Variants in DST observed in about 807,000 individuals in gnomAD.
The protein encoded by DST is bullous pemphigoid antigen.
DST carries 253 observed loss-of-function variants against 875.2 expected under a neutral mutation model. That is an observed-to-expected ratio of 0.29 (90% CI 0.26 to 0.32). The LOEUF (loss-of-function observed/expected upper bound fraction) is 0.32. DST is among the 10% of genes least tolerant of loss of function. The pLI is 1.00. For missense variants in DST, 8,287 were observed against 9,111.6 expected (o/e 0.91, Z 3.68); for synonymous variants, 3,124 against 3,197.1 (o/e 0.98, Z 0.77).
At chr6:56,663,929 C>T (rs1314054301) in intron 10 of DST, among the ~76,000 whole-genome samples, 3 of 151,902 alleles carry the variant, frequency 2.0e-5, no homozygotes, top group Non-Finnish European at 4.4e-5. Context: ...GAAAAGACTG[C>T]CAGGGACATT....
At chr6:56,723,716 C>T (rs1196818734) in intron 5 of DST, among the ~76,000 whole-genome samples, 1 of 152,184 alleles carries the variant, frequency 6.6e-6, no homozygotes, top group Non-Finnish European at 1.5e-5. Context: ...TGCAGGATTT[C>T]CCAAAGGGAG....
chr6:56,943,637 T>C (rs1349538580), intron 2 of DST, among the ~76,000 whole-genome samples: 2 of 151,842 alleles, frequency 1.3e-5, no homozygotes, highest in African/African-American at 2.4e-5. Context: ...TTCTCTATGT[T>C]GGTCAGGCTG....
In DST at chr6:56,459,763, C is replaced by T. The variant is rs577905194; in HGVS notation, c.23194+368G>A. On this transcript the variant is annotated intron_variant, in intron 103 of 103. Transcript: ENST00000680361. ...AGAGATTAGTAGGTTCATTATTTTG[C>T]GAAGCAATGTGAGCTACACTGGTGT... 1.2e-4 allele frequency among the ~76,000 whole-genome samples: 18 copies of T among 152,224 alleles called. No individual in the cohort carries two copies. In the South Asian group the frequency reaches 1.7e-3, roughly 14 times the overall value.
chr6:56,532,275 A>T, intron 64 of DST, 69 bp downstream of exon 64: 1 of 1,407,488 alleles, frequency 7.1e-7, no homozygotes, highest in South Asian at 1.2e-5. Context: ...TTAACAAAAT[A>T]CAAAATGTCA....
chr6:56,530,029 C>G lies in DST; in HGVS notation c.17213G>C (p.Cys5738Ser). ...AGATGCTTGGGTTCCTATGGGTTCA[C>G]AATTCACCAGCCTCTTTTCTATGGT... ...LTTIEKRLVNCEPIGTQASKL... is the reference protein window; with the variant it reads ...LTTIEKRLVNSEPIGTQASKL... The change falls in exon 65 of 104, where the codon TGT becomes TCT. Residue 5738 changes from cysteine to serine, a missense_variant. Transcript: ENST00000680361. 1.9e-6 allele frequency: 3 copies of G among 1,613,462 alleles called. No individual in the cohort carries two copies. Among genetic ancestry groups the G allele is most frequent in the Non-Finnish European group, 2.5e-6 (3 of 1,179,694 alleles).
At chr6:56,463,216 A>T in intron 101 of DST, 60 bp from the exon 102 acceptor site, 1 of 989,464 alleles carries the variant, frequency 1.0e-6, no homozygotes, top group Non-Finnish European at 1.6e-6. Context: ...ACAAAGCCAC[A>T]GAAAGAGATA....
chr6:56,775,643 G>T (rs984688443), intron 4 of DST, among the ~76,000 whole-genome samples: 9 of 152,130 alleles, frequency 5.9e-5, no homozygotes, highest in African/African-American at 2.2e-4. Flanking sequence ...AAGCACCTTG[G>T]AATGTCAGAA....
intron 2 of DST, among the ~76,000 whole-genome samples, chr6:56,913,173 C>G (rs946286416): frequency 1.3e-5 from 2 of 152,232 alleles, no homozygotes; most frequent in Non-Finnish European, 2.9e-5. Context: ...ATTCAACTCT[C>G]TTTAATTCTT....
intron 4 of DST, among the ~76,000 whole-genome samples, chr6:56,752,525 C>T (rs1424253666): frequency 1.3e-5 from 2 of 151,936 alleles, no homozygotes; most frequent in African/African-American, 4.9e-5. Flanking sequence ...ATTTCTGACA[C>T]TGTAGATTGA....
At chr6:56,811,246 G>C (rs1459315494) in intron 4 of DST, among the ~76,000 whole-genome samples, 3 of 147,438 alleles carry the variant, frequency 2.0e-5, no homozygotes, top group South Asian at 2.1e-4. Context: ...GCCCCAACCT[G>C]AGAGACGAAG....
chr6:56,953,682 G>A (rs1823559109), intron 2 of DST, 103 bp downstream of exon 2: 3 of 808,454 alleles, frequency 3.7e-6, no homozygotes, highest in East Asian at 6.5e-5. Context: ...CAGCATGTTC[G>A]TCATTCAGTG....
chr6:56,781,162 G>A (rs1326022545), intron 4 of DST, among the ~76,000 whole-genome samples: 1 of 152,180 alleles, frequency 6.6e-6, no homozygotes, highest in Non-Finnish European at 1.5e-5. Flanking sequence ...GTAGCGTGAT[G>A]CCTCCAGCTT....
At chr6:56,559,326 C>T (rs899834983) in intron 58 of DST, among the ~76,000 whole-genome samples, 3 of 152,098 alleles carry the variant, frequency 2.0e-5, no homozygotes. Flanking sequence ...AGAAGAGAGT[C>T]ACTGAATGAG....
At chr6:56,879,045 C>T (rs7744799) in intron 3 of DST, among the ~76,000 whole-genome samples, 44,856 of 151,956 alleles carry the variant, frequency 0.3, 8,654 homozygotes, top group African/African-American at 0.56. Context: ...TGAGAAAGAA[C>T]AAATTTGATT....
chr6:56,517,154 G>GT (rs752299500), intron 71 of DST, 44 bp downstream of exon 71: 6 of 1,424,352 alleles, frequency 4.2e-6, no homozygotes, highest in Non-Finnish European at 5.9e-6. Flanking sequence ...AACACCTGCT[G>GT]TTTTTTCAAG....
At chr6:56,674,199 G>C (rs1265641625) in intron 9 of DST, among the ~76,000 whole-genome samples, 1 of 152,170 alleles carries the variant, frequency 6.6e-6, no homozygotes, top group East Asian at 1.9e-4. Flanking sequence ...GATAATCAGA[G>C]AGGGTTTCAA....
chr6:56,822,834 TA>T (rs1230198594), intron 4 of DST, among the ~76,000 whole-genome samples: 20 of 151,638 alleles, frequency 1.3e-4, no homozygotes, highest in African/African-American at 4.1e-4. Flanking sequence ...TTTATTTATT[TA>T]TTTTTTTTTT....
In DST at chr6:56,591,981, C is replaced by CA. The variant is rs34682914; in HGVS notation, c.12903+200dup. ...TACACGATGGAGTGAGACTCCATCT[C>CA]AAAAAAAAAAAAAAAAAAAAAATTC... On this transcript the variant is annotated intron_variant, in intron 49 of 103. Coordinates refer to ENST00000680361, the MANE Select transcript of DST (RefSeq NM_001374736.1). Among the ~76,000 whole-genome samples the CA allele has an allele frequency of 0.067, 4,204 of 63,056 alleles. 390 individuals carry two copies. Among genetic ancestry groups the CA allele is most frequent in the African/African-American group, 0.23 (3,224 of 14,250 alleles). The allele number at this position is 63,056 out of a possible 152,430, so 41.4% of individuals were successfully genotyped here. A position where few individuals can be genotyped will look rare whatever the true frequency, so the allele number is the denominator to read the frequency against.
intron 4 of DST, among the ~76,000 whole-genome samples, chr6:56,842,479 G>GA (rs1415467442): frequency 2.0e-5 from 3 of 151,918 alleles, no homozygotes; most frequent in Non-Finnish European, 4.4e-5. Context: ...AGGATGGGCA[G>GA]AAAAAAATCT....
Sources: allele counts gnomAD v4.1 joint callset (sites outside exome capture counted in the v4.1 genomes callset), GRCh38; gene constraint gnomAD v4.1.1; transcripts MANE v1.5; gene names NCBI Gene and HGNC (gene_info 2026-07-23, HGNC 2026-07-21).